The following CIT variants were observed in gnomAD, a reference collection of about 807,000 sequenced individuals.
CIT encodes the protein citron rho-interacting serine/threonine kinase.
Under a neutral mutation model 272.7 loss-of-function variants are expected in CIT, and 79 were observed. The ratio of observed to expected loss-of-function variants is 0.29; its 90% CI spans 0.24 to 0.35. The LOEUF is 0.35. CIT is among the 10% of genes least tolerant of loss of function. The pLI, the probability that CIT is intolerant of heterozygous loss-of-function variation, is 1.00. For synonymous variants in CIT, 948 were observed against 995.6 expected (o/e 0.95, Z 0.90); for missense variants, 1,909 against 2,618.3 (o/e 0.73, Z 5.91).
chr12:119,720,021 T>C (rs913862637), intron 30 of CIT, among the ~76,000 whole-genome samples: 2 of 152,174 alleles, frequency 1.3e-5, no homozygotes, highest in African/African-American at 4.8e-5. Flanking sequence ...TCTAGTCTCT[T>C]TGTGAGCCGA....
chr12:119,799,240 T>C (rs552725832), intron 10 of CIT, among the ~76,000 whole-genome samples: 1 of 152,324 alleles, frequency 6.6e-6, no homozygotes, highest in East Asian at 1.9e-4. Context: ...CATGGACTAG[T>C]GTATTAGTAA....
chr12:119,698,586 T>G (rs1187728755), intron 44 of CIT, among the ~76,000 whole-genome samples: 1 of 70,554 alleles, frequency 1.4e-5, no homozygotes, highest in East Asian at 2.7e-4. Context: ...GGAGACTCTG[T>G]CTCAAAAAAA....
At chr12:119,742,182 C>T (rs1959089167) in intron 24 of CIT, among the ~76,000 whole-genome samples, 1 of 152,176 alleles carries the variant, frequency 6.6e-6, no homozygotes, top group Non-Finnish European at 1.5e-5. Context: ...TTCCAACTAT[C>T]CTCTTCCCCA....
rs1966452132 is a variant in CIT at position 119,804,236 on chromosome 12, G to A, written c.1112-847C>T. ...TTCCTCCGACCTACTAAGCGCTCTC[G>A]GTCTGGGAGGTGGACACTCGTCCAT... is the stretch of plus-strand genomic sequence containing the variant. On this transcript the variant is annotated intron_variant, in intron 9 of 47. Coordinates refer to ENST00000392521, the MANE Select transcript of CIT (RefSeq NM_001206999.2). This position sits in a 1 kb window ranked among gnomAD's most constrained non-coding sequence, Gnocchi z 5.3. 1 of 985,438 alleles carries A rather than the reference G, an allele frequency of 1.0e-6. No individual in the cohort carries two copies. The highest frequency in any genetic ancestry group is 1.2e-6 in the Non-Finnish European group (1 of 829,968). 61.0% of individuals were successfully genotyped at this position (985,438 alleles called of 1,614,324 possible).
rs181062646 is a variant in CIT, at chr12:119,802,089, T to A, written c.1295+1117A>T. Among the ~76,000 whole-genome samples the A allele has an allele frequency of 1.2e-4, 19 of 152,274 alleles. No individual in the cohort carries two copies. The East Asian group carries it at 3.7e-3, about 29-fold the overall frequency. On this transcript the variant is annotated intron_variant, in intron 10 of 47. Coordinates refer to ENST00000392521, the MANE Select transcript of CIT (RefSeq NM_001206999.2). ...TCCAGGAACCAACATAACATCCCTATAAATCGATATCTAAGCTACAAATAC... is the reference window on the plus strand; with the variant it reads ...TCCAGGAACCAACATAACATCCCTAAAAATCGATATCTAAGCTACAAATAC...
chr12:119,763,674 A>C (rs904650937), intron 19 of CIT, among the ~76,000 whole-genome samples: 1 of 152,220 alleles, frequency 6.6e-6, no homozygotes, highest in African/African-American at 2.4e-5. Flanking sequence ...ATACCAACCA[A>C]ATCAATAACA....
chr12:119,868,132 A>C (rs1469147372), intron 3 of CIT, among the ~76,000 whole-genome samples: 1 of 152,118 alleles, frequency 6.6e-6, no homozygotes, highest in African/African-American at 2.4e-5. Flanking sequence ...CTGGGGTGGA[A>C]GGATTGCTTG....
intron 12 of CIT, 98 bp from the exon 13 acceptor site, chr12:119,782,735 G>A: frequency 1.4e-6 from 2 of 1,447,218 alleles, no homozygotes; most frequent in Non-Finnish European, 9.3e-7. Context: ...CAGACACCAG[G>A]ACAGTTTCGA....
chr12:119,690,477 G>T lies in CIT; in HGVS notation c.5883-23C>A. ...CTGCTGGCGACACAAGAGGAACGTA[G>T]GGAGCTGCGAGGCCACAACCCCAGA... is the stretch of plus-strand genomic sequence containing the variant. On this transcript the variant is annotated intron_variant, in intron 46 of 47. Transcript: ENST00000392521. The surrounding 1 kb of genome is among the most constrained non-coding windows in gnomAD (Gnocchi z 6.0). 1 of 1,552,770 alleles carries T rather than the reference G, an allele frequency of 6.4e-7. No homozygotes were observed. Among genetic ancestry groups the T allele is most frequent in the Non-Finnish European group, 8.6e-7 (1 of 1,160,696 alleles).
intron 24 of CIT, among the ~76,000 whole-genome samples, chr12:119,736,165 C>T (rs1958742811): frequency 6.6e-6 from 1 of 152,008 alleles, no homozygotes; most frequent in South Asian, 2.1e-4. Flanking sequence ...ATGTATAATA[C>T]CTTGGAAGTT....
intron 9 of CIT, among the ~76,000 whole-genome samples, chr12:119,817,574 C>T (rs1347120075): frequency 6.6e-6 from 1 of 152,090 alleles, no homozygotes; most frequent in African/African-American, 2.4e-5. Flanking sequence ...AAGCATTAAA[C>T]TTCCCACCAT....
intron 5 of CIT, among the ~76,000 whole-genome samples, chr12:119,845,134 A>AAAAAAC (rs1221542088): frequency 1.4e-4 from 22 of 151,938 alleles, no homozygotes; most frequent in Non-Finnish European, 2.8e-4. Context: ...AAAATAAACC[A>AAAAAAC]AAAAACAAAA....
At chr12:119,822,400 GT>G (rs1483019051) in intron 9 of CIT, among the ~76,000 whole-genome samples, 1 of 152,202 alleles carries the variant, frequency 6.6e-6, no homozygotes, top group African/African-American at 2.4e-5. Context: ...ACAGGGAGGT[GT>G]TTATGGTTTT....
rs545258498 is a variant in CIT, at chr12:119,712,766, C to T, written c.4580-71G>A. On this transcript the variant is annotated intron_variant, in intron 35 of 47. Transcript: ENST00000392521. This position sits in a 1 kb window ranked among gnomAD's most constrained non-coding sequence, Gnocchi z 5.2. ...ACAAGAACAAGGGGAGAAGAGAGAGCGAGAGAGACAGCAAGGGAGAGAGAG... is the reference window on the plus strand; with the variant it reads ...ACAAGAACAAGGGGAGAAGAGAGAGTGAGAGAGACAGCAAGGGAGAGAGAG... 106 of 1,273,478 alleles carry T rather than the reference C, an allele frequency of 8.3e-5. No individual in the cohort carries two copies. Among genetic ancestry groups the T allele is most frequent in the Admixed American group, 4.3e-4 (24 of 56,456 alleles). 78.9% of individuals were successfully genotyped at this position (1,273,478 alleles called of 1,614,324 possible). A position where few individuals can be genotyped will look rare whatever the true frequency, so the allele number is the denominator to read the frequency against.
intron 10 of CIT, among the ~76,000 whole-genome samples, chr12:119,797,311 C>T (rs954489801): frequency 1.3e-5 from 2 of 152,244 alleles, no homozygotes; most frequent in South Asian, 2.1e-4. Context: ...AATGAGAAGG[C>T]GGTGGAATGG....
chr12:119,743,795 C>T (rs1004287006), intron 23 of CIT, among the ~76,000 whole-genome samples: 1 of 152,104 alleles, frequency 6.6e-6, no homozygotes, highest in Non-Finnish European at 1.5e-5. Flanking sequence ...AGTATATATA[C>T]TCCCTTCTAT....
intron 46 of CIT, among the ~76,000 whole-genome samples, chr12:119,693,199 C>G (rs910710584): frequency 2.0e-5 from 3 of 152,164 alleles, no homozygotes; most frequent in African/African-American, 7.2e-5. Flanking sequence ...ATCTCCTTAT[C>G]CATTAATGAC....
At chr12:119,781,650 A>T (rs1964295907) in intron 13 of CIT, among the ~76,000 whole-genome samples, 1 of 146,748 alleles carries the variant, frequency 6.8e-6, no homozygotes, top group Non-Finnish European at 1.5e-5. Context: ...GCCATTTAGA[A>T]AGAAAACCCG....
intron 40 of CIT, among the ~76,000 whole-genome samples, chr12:119,705,658 G>A (rs1201051011): frequency 6.7e-6 from 1 of 150,208 alleles, no homozygotes; most frequent in East Asian, 2.0e-4. Flanking sequence ...TGTAATCCCA[G>A]TTACTCAGGA....
Sources: gnomAD v4.1 joint callset for allele counts (sites outside exome capture counted in the v4.1 genomes callset) on GRCh38, gnomAD v4.1.1 for gene constraint, Gnocchi (gnomAD v3.1) non-coding constraint, MANE v1.5 for transcripts, NCBI Gene and HGNC (gene_info 2026-07-23, HGNC 2026-07-21) for gene names.